The following RGS6 variants were observed in gnomAD, a reference collection of about 807,000 sequenced individuals.
RGS6 encodes regulator of G protein signaling 6, also known as regulator of G-protein signaling 6.
In RGS6, 30 loss-of-function variants were observed where a neutral mutation model predicts 78.5. The ratio of observed to expected loss-of-function variants is 0.38; its 90% CI spans 0.29 to 0.52. The LOEUF is 0.52. RGS6 is among the 20% of genes least tolerant of loss of function. The pLI is 0.85. For missense variants in RGS6, 495 were observed against 609.7 expected, an observed-to-expected ratio of 0.81 and a Z score of 1.98; for synonymous variants, 206 against 206.0, an observed-to-expected ratio of 1.00 and a Z score of 0.00.
intron 12 of RGS6, among the ~76,000 whole-genome samples, chr14:72,493,734 G>A (rs1003025434): frequency 3.3e-5 from 5 of 151,762 alleles, no homozygotes; most frequent in Admixed American, 3.3e-4. Flanking sequence ...AATCAAAATG[G>A]ATCCAGGCTT....
intron 2 of RGS6, among the ~76,000 whole-genome samples, chr14:72,083,016 C>T (rs1365237567): frequency 2.6e-5 from 4 of 152,180 alleles, no homozygotes; most frequent in Non-Finnish European, 5.9e-5. Context: ...GTACTTACAC[C>T]TGTGTACATA....
chr14:72,472,784 T>C, intron 8 of RGS6, 88 bp from the exon 9 acceptor site: 1 of 945,368 alleles, frequency 1.1e-6, no homozygotes, highest in Non-Finnish European at 1.7e-6. Flanking sequence ...ACTTAGCCCC[T>C]AGCAACAGGA....
At chr14:72,528,689 A>C (rs532356012) in intron 15 of RGS6, among the ~76,000 whole-genome samples, 1 of 152,302 alleles carries the variant, frequency 6.6e-6, no homozygotes, top group African/African-American at 2.4e-5. Context: ...GGAGGGAAGA[A>C]GATAAGGCAA....
chr14:72,477,491 A>G (rs1226380163), intron 11 of RGS6, among the ~76,000 whole-genome samples: 1 of 151,932 alleles, frequency 6.6e-6, no homozygotes, highest in East Asian at 1.9e-4. Flanking sequence ...GATATATGAA[A>G]AAAAAAAGCT....
At chr14:72,302,651 C>T (rs2066334540) in intron 2 of RGS6, among the ~76,000 whole-genome samples, 1 of 151,826 alleles carries the variant, frequency 6.6e-6, no homozygotes, top group South Asian at 2.1e-4. Context: ...TTCCAAACGG[C>T]CTCAGAGGCC....
chr14:72,157,625 G>A (rs747357548), intron 2 of RGS6, among the ~76,000 whole-genome samples: 2 of 152,124 alleles, frequency 1.3e-5, no homozygotes, highest in Non-Finnish European at 2.9e-5. Flanking sequence ...GAAGAAATTC[G>A]AACATTTTCC....
At chr14:72,041,232 G>A (rs539547134) in intron 2 of RGS6, among the ~76,000 whole-genome samples, 1 of 152,178 alleles carries the variant, frequency 6.6e-6, no homozygotes, top group Non-Finnish European at 1.5e-5. Flanking sequence ...TTTGTGTAGG[G>A]GAAGACCTTT....
rs531494116 is a variant in RGS6, at chr14:72,108,792, G to A, written c.84+143917G>A. Among the ~76,000 whole-genome samples, 3 of 151,716 alleles carry A rather than the reference G, an allele frequency of 2.0e-5. No individual in the cohort carries two copies. In the South Asian group the frequency reaches 6.3e-4, roughly 32 times the overall value. ...GTTCCAATTTATATTGTTCCTTCAT[G>A]TCTAGCGTGTTTTCTTAGTGTCTTT... On this transcript the variant is annotated intron_variant, in intron 2 of 17. Transcript: ENST00000553525.
intron 8 of RGS6, among the ~76,000 whole-genome samples, chr14:72,471,743 C>T (rs531885808): frequency 2.6e-5 from 4 of 152,324 alleles, no homozygotes; most frequent in South Asian, 2.1e-4. Flanking sequence ...CGGGGATAGG[C>T]GGGTACCAGG....
chr14:72,381,893 G>A (rs1036635544), intron 3 of RGS6, among the ~76,000 whole-genome samples: 3 of 151,902 alleles, frequency 2.0e-5, no homozygotes, highest in Non-Finnish European at 4.4e-5. Context: ...GGATATAAAC[G>A]TCCTCTATTG....
At chr14:72,079,496 A>G (rs2153472706) in intron 2 of RGS6, among the ~76,000 whole-genome samples, 1 of 152,318 alleles carries the variant, frequency 6.6e-6, no homozygotes, top group Middle Eastern at 3.4e-3. Context: ...AAGGTAAGCT[A>G]ATTAACACAT....
intron 2 of RGS6, among the ~76,000 whole-genome samples, chr14:72,161,475 G>A (rs2096852563): frequency 6.6e-6 from 1 of 152,168 alleles, no homozygotes. Flanking sequence ...ACAATGGGGT[G>A]TGGAAGAATC....
intron 2 of RGS6, among the ~76,000 whole-genome samples, chr14:72,116,238 C>A (rs185819500): frequency 5.9e-4 from 90 of 152,076 alleles, no homozygotes; most frequent in Non-Finnish European, 1.1e-3. Flanking sequence ...ACTGATGAAA[C>A]CCCAGAAGAA....
chr14:72,524,620 C>T (rs117089790), intron 15 of RGS6, among the ~76,000 whole-genome samples: 4 of 152,332 alleles, frequency 2.6e-5, no homozygotes, highest in Non-Finnish European at 5.9e-5. Context: ...TCTGCCCATA[C>T]ACCCATGTCA....
At chr14:72,315,643 T>G (rs1386119622) in intron 2 of RGS6, among the ~76,000 whole-genome samples, 4 of 152,190 alleles carry the variant, frequency 2.6e-5, no homozygotes, top group African/African-American at 9.7e-5. Context: ...CAGTGTTGTT[T>G]AAGAGCTAAT....
intron 2 of RGS6, among the ~76,000 whole-genome samples, chr14:72,242,810 T>TA (rs2053210463): frequency 6.6e-6 from 1 of 151,412 alleles, no homozygotes. Flanking sequence ...TATCTCTTGA[T>TA]ACAGTATTTT....
At chr14:72,335,233 G>C (rs75411149) in intron 2 of RGS6, among the ~76,000 whole-genome samples, 112 of 152,218 alleles carry the variant, frequency 7.4e-4, no homozygotes, top group African/African-American at 2.6e-3. Context: ...TCTTAGCAGC[G>C]TGAGAACAGA....
intron 3 of RGS6, among the ~76,000 whole-genome samples, chr14:72,405,474 C>G (rs1258169416): frequency 1.3e-5 from 2 of 152,194 alleles, no homozygotes; most frequent in African/African-American, 4.8e-5. Flanking sequence ...AGAAGTGATT[C>G]AGACTGTAGC....
intron 2 of RGS6, among the ~76,000 whole-genome samples, chr14:72,013,589 G>T (rs568652981): frequency 5.7e-4 from 87 of 152,222 alleles, no homozygotes; most frequent in Non-Finnish European, 8.4e-4. Flanking sequence ...CTCAGTGAGG[G>T]CAAGGATGGA....
Sources: gnomAD v4.1 joint callset for allele counts (sites outside exome capture counted in the v4.1 genomes callset) on GRCh38, gnomAD v4.1.1 for gene constraint, MANE v1.5 for transcripts, NCBI Gene and HGNC (gene_info 2026-07-23, HGNC 2026-07-21) for gene names.